Variants in VPS33B observed in about 807,000 individuals in gnomAD.
VPS33B encodes vacuolar protein sorting-associated protein 33B.
A neutral mutation model predicts 95.3 loss-of-function variants in VPS33B; 80 were observed. The observed-to-expected ratio is 0.84, with a 90% CI of 0.70 to 1.01. VPS33B has a LOEUF of 1.01. VPS33B is among the 50% of genes least tolerant of loss of function. VPS33B has a pLI of 0.00. For missense variants in VPS33B, 715 were observed against 773.4 expected (o/e 0.92, Z 0.90); for synonymous variants, 280 against 280.4 (o/e 1.00, Z 0.01).
chr15:91,017,367 A>AATAT (rs1159663715), intron 2 of VPS33B, among the ~76,000 whole-genome samples: 205 of 15,684 alleles, frequency 0.013, 7 homozygotes, highest in Non-Finnish European at 0.019. Context: ...TACAAAATTA[A>AATAT]ATATATATAT....
At position 91,002,691 on chromosome 15, in the gene VPS33B, G is replaced by T. The variant is rs2040478165; in HGVS notation, c.1272+394C>A. Among the ~76,000 whole-genome samples the T allele has an allele frequency of 6.6e-6, 1 of 150,610 alleles. No individual in the cohort carries two copies. The highest frequency in any genetic ancestry group is 2.4e-5 in the African/African-American group (1 of 40,886). On this transcript the variant is annotated intron_variant, in intron 17 of 22. Transcript: ENST00000333371. This position sits in a 1 kb window ranked among gnomAD's most constrained non-coding sequence, Gnocchi z 4.7. The stretch of plus-strand genomic sequence containing the variant: ...AGCACCAAACAAAGAAGAATAAAAA[G>T]CAGCATGAGACTTTAGAGACCCATG...
rs1318197345 is a variant in VPS33B at position 91,009,027 on chromosome 15, G to A, written c.403+774C>T. Among the ~76,000 whole-genome samples the A allele has an allele frequency of 6.6e-6, 1 of 152,132 alleles. No individual in the cohort carries two copies. Among genetic ancestry groups the A allele is most frequent in the African/African-American group, 2.4e-5 (1 of 41,428 alleles). ...GTGCAAGGGATAGGAGGCATGTTGG[G>A]GATTCTGGGCTTTATATTGAGCCGC... is the stretch of plus-strand genomic sequence containing the variant. On this transcript the variant is annotated intron_variant, in intron 6 of 22. Transcript: ENST00000333371. The surrounding 1 kb of genome is among the most constrained non-coding windows in gnomAD (Gnocchi z 4.1).
At position 91,002,236 on chromosome 15, in the gene VPS33B, TG is replaced by T; in HGVS notation, c.1273-55del. 6.2e-7 allele frequency: 1 copy of T among 1,604,470 alleles called. No homozygotes were observed. On this transcript the variant is annotated intron_variant, in intron 17 of 22. Transcript: ENST00000333371. This position sits in a 1 kb window ranked among gnomAD's most constrained non-coding sequence, Gnocchi z 4.7. ...TGAGTGTCCAAAGAGCATCTAGTAC[TG>T]TCAGGTACTACAGAGTTGAGCAGAA...
In VPS33B at chr15:91,005,246, C is replaced by A; in HGVS notation, c.1106-127G>T. 6.2e-7 allele frequency: 1 copy of A among 1,611,738 alleles called. No homozygotes were observed. The highest frequency in any genetic ancestry group is 8.5e-7 in the Non-Finnish European group (1 of 1,179,480). ...GTGGGTTAAGGGACCCCCAGGACTTCTAGCAGGAACCAGCATTCCACATAG... is the reference window on the plus strand; with the variant it reads ...GTGGGTTAAGGGACCCCCAGGACTTATAGCAGGAACCAGCATTCCACATAG... On this transcript the variant is annotated intron_variant, in intron 14 of 22. Transcript: ENST00000333371. This position sits in a 1 kb window ranked among gnomAD's most constrained non-coding sequence, Gnocchi z 6.4.
Position 91,007,325 on chromosome 15 carries a change from C to A in VPS33B, c.603+144G>T. 1 of 879,582 alleles carries A rather than the reference C, an allele frequency of 1.1e-6. No individual in the cohort carries two copies. Among genetic ancestry groups the A allele is most frequent in the Non-Finnish European group, 1.8e-6 (1 of 543,082 alleles). 54.5% of individuals were successfully genotyped at this position (879,582 alleles called of 1,614,324 possible). The stretch of plus-strand genomic sequence containing the variant: ...TGCTTCTCTGTTAGCCACACAAGTT[C>A]TCCTCTCTGAGGATCTATTCCAGAA... On this transcript the variant is annotated intron_variant, in intron 8 of 22. Coordinates refer to ENST00000333371, the MANE Select transcript of VPS33B (RefSeq NM_018668.5). The surrounding 1 kb of genome is among the most constrained non-coding windows in gnomAD (Gnocchi z 5.3).
intron 1 of VPS33B, among the ~76,000 whole-genome samples, chr15:91,019,140 A>G (rs1187438144): frequency 1.6e-5 from 1 of 62,624 alleles, no homozygotes; most frequent in Non-Finnish European, 3.0e-5. Context: ...TTTTTTTTTT[A>G]AAGATAGAGT....
In VPS33B at chr15:91,017,785, C is replaced by T. The variant is rs576984142; in HGVS notation, c.177+20G>A. ...AACTGCTTAAAGAGGGGCATGGCCC[C>T]CAGGGGAAAGGGACAGTACCTTCAG... On this transcript the variant is annotated intron_variant, in intron 2 of 22. Coordinates refer to ENST00000333371, the MANE Select transcript of VPS33B (RefSeq NM_018668.5). 1.1e-5 allele frequency: 18 copies of T among 1,613,254 alleles called. No individual in the cohort carries two copies. The East Asian group carries it at 2.7e-4, about 24-fold the overall frequency.
chr15:90,999,077 A>G lies in VPS33B; in HGVS notation c.1775-23T>C, dbSNP rs1268068071. Reference sequence around the variant, plus strand: ...AGCCTAAGGAGTCAAATGCAGCAGCAGAAGAGACAGCACAGATCTTAGGCC... The same window carrying G: ...AGCCTAAGGAGTCAAATGCAGCAGCGGAAGAGACAGCACAGATCTTAGGCC... On this transcript the variant is annotated intron_variant, in intron 22 of 22. Transcript: ENST00000333371. The surrounding 1 kb of genome is among the most constrained non-coding windows in gnomAD (Gnocchi z 5.1). 1 of 1,612,984 alleles carries G rather than the reference A, an allele frequency of 6.2e-7. No individual in the cohort carries two copies. Among genetic ancestry groups the G allele is most frequent in the African/African-American group, 1.3e-5 (1 of 74,940 alleles).
In VPS33B at chr15:91,005,841, C is replaced by A. The variant is rs1032559359; in HGVS notation, c.940-57G>T. The A allele has an allele frequency of 1.4e-4, 233 of 1,610,892 alleles. 1 individual carries two copies. Among genetic ancestry groups the A allele is most frequent in the Middle Eastern group, 3.3e-4 (2 of 6,076 alleles). ...AACCTCAGACACGAGAAACCACCAC[C>A]CTCCCTCAGTTGCCATCCATCCATG... is the stretch of plus-strand genomic sequence containing the variant. On this transcript the variant is annotated intron_variant, in intron 12 of 22. Transcript: ENST00000333371. This position sits in a 1 kb window ranked among gnomAD's most constrained non-coding sequence, Gnocchi z 6.4.
rs2040344486 is a variant in VPS33B, at chr15:90,998,754, A to T, written c.*221T>A. The stretch of plus-strand genomic sequence containing the variant: ...GGATGCCTCTTCCTGCTCGCATCTT[A>T]GCAGCATGGGTTGTACTTCATAAAC... On this transcript the variant is annotated 3_prime_UTR_variant, in exon 23 of 23. Coordinates refer to ENST00000333371, the MANE Select transcript of VPS33B (RefSeq NM_018668.5). The surrounding 1 kb of genome is among the most constrained non-coding windows in gnomAD (Gnocchi z 4.8). 2 of 625,722 alleles carry T rather than the reference A, an allele frequency of 3.2e-6. No homozygotes were observed. The highest frequency in any genetic ancestry group is 5.8e-6 in the Non-Finnish European group (2 of 347,398). 38.8% of individuals were successfully genotyped at this position (625,722 alleles called of 1,614,324 possible). A position where few individuals can be genotyped will look rare whatever the true frequency, so the allele number is the denominator to read the frequency against.
rs948618642 is a variant in VPS33B at position 91,015,934 on chromosome 15, G to T, written c.239+1029C>A. 3.3e-5 allele frequency among the ~76,000 whole-genome samples: 5 copies of T among 152,190 alleles called. No homozygotes were observed. The highest frequency in any genetic ancestry group is 9.6e-5 in the African/African-American group (4 of 41,510). The stretch of plus-strand genomic sequence containing the variant: ...GGATATATTCTCCATGTATCCAGGA[G>T]AATTTTTTCTTCTAAGAAAGCATGT... On this transcript the variant is annotated intron_variant, in intron 3 of 22. Transcript: ENST00000333371. The surrounding 1 kb of genome is among the most constrained non-coding windows in gnomAD (Gnocchi z 4.7).
rs2040838601 is a variant in VPS33B at position 91,013,544 on chromosome 15, A to T, written c.357+260T>A. ...CAGCCCCTGGGTGTCTCTTGGTCTC[A>T]TGTGCTGGCTTCCACCTTCCACCCT... On this transcript the variant is annotated intron_variant, in intron 5 of 22. Coordinates refer to ENST00000333371, the MANE Select transcript of VPS33B (RefSeq NM_018668.5). The surrounding 1 kb of genome is among the most constrained non-coding windows in gnomAD (Gnocchi z 4.5). Among the ~76,000 whole-genome samples the T allele has an allele frequency of 6.6e-6, 1 of 152,126 alleles. No homozygotes were observed. The highest frequency in any genetic ancestry group is 1.5e-5 in the Non-Finnish European group (1 of 68,002).
rs765330988 is a variant in VPS33B, at chr15:91,000,554, G to A, written c.1517C>T (p.Pro506Leu). ...RVDGEYDLKV[P>L]RDMAYVFGGA... ...ACCGAAGACGTAAGCCATGTCTCGG[G>A]GCACTTTCAGATCATACTCGCCGTC... The change falls in exon 20 of 23, where the codon CCC becomes CTC. Residue 506 changes from proline to leucine, a missense_variant. Transcript: ENST00000333371. The surrounding 1 kb of genome is among the most constrained non-coding windows in gnomAD (Gnocchi z 4.9). 1.2e-6 allele frequency: 2 copies of A among 1,613,358 alleles called. No individual in the cohort carries two copies. Among genetic ancestry groups the A allele is most frequent in the Non-Finnish European group, 1.7e-6 (2 of 1,179,588 alleles).
Position 91,009,952 on chromosome 15 carries a change from A to G in VPS33B, c.358-106T>C, listed in dbSNP as rs2040736190. 7.6e-7 allele frequency: 1 copy of G among 1,316,008 alleles called. No homozygotes were observed. The highest frequency in any genetic ancestry group is 1.1e-6 in the Non-Finnish European group (1 of 917,662). 81.5% of individuals were successfully genotyped at this position (1,316,008 alleles called of 1,614,324 possible). ...GATGAGGACAATAATTGCCGAACCC[A>G]GTGAAAGACAAGAGAACCCAGACTC... On this transcript the variant is annotated intron_variant, in intron 5 of 22. Coordinates refer to ENST00000333371, the MANE Select transcript of VPS33B (RefSeq NM_018668.5). The surrounding 1 kb of genome is among the most constrained non-coding windows in gnomAD (Gnocchi z 4.1).
chr15:91,009,144 G>T lies in VPS33B; in HGVS notation c.403+657C>A, dbSNP rs1567224581. 2.6e-5 allele frequency among the ~76,000 whole-genome samples: 4 copies of T among 152,250 alleles called. 1 individual carries two copies. The highest frequency in any genetic ancestry group is 2.6e-4 in the Admixed American group (4 of 15,290). ...AGAGGGGAGGCCCAGTTTTTCCTGT[G>T]GGAGCCTTGGAAGGTGAGAAAAGAG... is the stretch of plus-strand genomic sequence containing the variant. On this transcript the variant is annotated intron_variant, in intron 6 of 22. Transcript: ENST00000333371. The surrounding 1 kb of genome is among the most constrained non-coding windows in gnomAD (Gnocchi z 4.1).
At position 90,999,729 on chromosome 15, in the gene VPS33B, A is replaced by C. The variant is rs752557044; in HGVS notation, c.1722T>G (p.Gly574=). Residue 574 remains glycine (G), a synonymous_variant, in exon 22 of 23, where the codon GGT becomes GGG. Transcript: ENST00000333371. The surrounding 1 kb of genome is among the most constrained non-coding windows in gnomAD (Gnocchi z 5.1). ...SLRLILVVFL[G]GCTFSEISAL... The stretch of plus-strand genomic sequence containing the variant: ...CTGAGATCTCAGAGAATGTACAACC[A>C]CCCAAGAACACCACCAAGATGAGGC... 2 of 1,613,966 alleles carry C rather than the reference A, an allele frequency of 1.2e-6. No individual in the cohort carries two copies. The highest frequency in any genetic ancestry group is 1.7e-6 in the Non-Finnish European group (2 of 1,180,002).
chr15:91,012,727 G>A (rs2040814993), intron 5 of VPS33B, among the ~76,000 whole-genome samples: 1 of 152,224 alleles, frequency 6.6e-6, no homozygotes. Flanking sequence ...CACTGGGATT[G>A]AGGATGCACG....
In VPS33B at chr15:91,013,677, C is replaced by G. The variant is rs186544774; in HGVS notation, c.357+127G>C. The G allele has an allele frequency of 4.2e-6, 4 of 962,442 alleles. No homozygotes were observed. The Admixed American group carries it at 5.1e-5, about 12-fold the overall frequency. 59.6% of individuals were successfully genotyped at this position (962,442 alleles called of 1,614,324 possible). A position where few individuals can be genotyped will look rare whatever the true frequency, so the allele number is the denominator to read the frequency against. On this transcript the variant is annotated intron_variant, in intron 5 of 22. Transcript: ENST00000333371. This position sits in a 1 kb window ranked among gnomAD's most constrained non-coding sequence, Gnocchi z 4.5. ...TTCTGTTCATTATAAATTACCTAGT[C>G]TCAGGTATTCTGTTACAGCAACAGA...
chr15:91,014,366 G>C lies in VPS33B; in HGVS notation c.289+18C>G, dbSNP rs145408340. On this transcript the variant is annotated intron_variant, in intron 4 of 22. Coordinates refer to ENST00000333371, the MANE Select transcript of VPS33B (RefSeq NM_018668.5). ...CCGCCCTTTCCCACAGTTACACATA[G>C]TACCATGGCACACTCACTGGCAATG... 1.7e-4 allele frequency: 272 copies of C among 1,613,464 alleles called. No homozygotes were observed. The African/African-American group carries it at 3.4e-3, about 20-fold the overall frequency.
Sources: gnomAD v4.1 joint callset for allele counts (sites outside exome capture counted in the v4.1 genomes callset) on GRCh38, gnomAD v4.1.1 for gene constraint, Gnocchi (gnomAD v3.1) non-coding constraint, MANE v1.5 for transcripts, NCBI Gene and HGNC (gene_info 2026-07-23, HGNC 2026-07-21) for gene names.